The following CEP112 variants were observed in gnomAD, a reference collection of about 807,000 sequenced individuals.
CEP112 encodes centrosomal protein of 112 kDa.
In CEP112, 127 loss-of-function variants were observed where a neutral mutation model predicts 153.0. That is an observed-to-expected ratio of 0.83 (90% CI 0.72 to 0.96). The LOEUF (loss-of-function observed/expected upper bound fraction) is 0.96, where lower values mean the gene tolerates loss of function less well. Among genes scored for constraint, CEP112 ranks in the 40% least tolerant of loss-of-function variants. CEP112 has a pLI of 0.00. For missense variants in CEP112, 1,089 were observed against 1,101.2 expected, an observed-to-expected ratio of 0.99 and a Z score of 0.16; for synonymous variants, 358 against 374.4, an observed-to-expected ratio of 0.96 and a Z score of 0.51.
chr17:66,027,821 GAGATTACTTCA>G (rs2065281458), intron 15 of CEP112, among the ~76,000 whole-genome samples: 1 of 152,054 alleles, frequency 6.6e-6, no homozygotes. Context: ...TTAGGATTAA[GAGATTACTTCA>G]AAAATGACCA....
intron 18 of CEP112, among the ~76,000 whole-genome samples, chr17:65,942,165 A>T (rs2047700068): frequency 7.6e-6 from 1 of 131,324 alleles, no homozygotes; most frequent in Non-Finnish European, 1.6e-5. Context: ...ACCTCCTGTC[A>T]GATCAGTGTT....
chr17:65,952,910 A>G (rs1161630677), intron 18 of CEP112, among the ~76,000 whole-genome samples: 2 of 152,146 alleles, frequency 1.3e-5, no homozygotes, highest in South Asian at 2.1e-4. Context: ...AGTCATTTGT[A>G]TATCTTCTTT....
intron 16 of CEP112, among the ~76,000 whole-genome samples, chr17:66,016,713 A>G (rs1045042995): frequency 6.6e-6 from 1 of 152,202 alleles, no homozygotes; most frequent in African/African-American, 2.4e-5. Flanking sequence ...CCAATGTACC[A>G]TGTACCAGTA....
chr17:65,855,030 A>G (rs1459007470), intron 20 of CEP112, among the ~76,000 whole-genome samples: 1 of 152,148 alleles, frequency 6.6e-6, no homozygotes, highest in Admixed American at 6.5e-5. Flanking sequence ...CCCAAAATCA[A>G]TCCTGGAGAA....
chr17:65,753,289 T>C (rs996257793), intron 21 of CEP112, among the ~76,000 whole-genome samples: 1 of 152,206 alleles, frequency 6.6e-6, no homozygotes, highest in Non-Finnish European at 1.5e-5. Flanking sequence ...AGGCAGCTCC[T>C]AGCCCCTAAC....
intron 21 of CEP112, among the ~76,000 whole-genome samples, chr17:65,828,823 C>A (rs531476941): frequency 1.8e-3 from 274 of 151,248 alleles, no homozygotes; most frequent in Non-Finnish European, 2.6e-3. Context: ...GATTCTCCTG[C>A]TTAATATTTA....
chr17:66,056,130 CAAG>C (rs2066676029), intron 11 of CEP112, among the ~76,000 whole-genome samples: 1 of 152,156 alleles, frequency 6.6e-6, no homozygotes, highest in African/African-American at 2.4e-5. Context: ...TAGGAATTCT[CAAG>C]AAGAATTTTT....
intron 23 of CEP112, among the ~76,000 whole-genome samples, chr17:65,719,029 C>T (rs1270077731): frequency 6.6e-6 from 1 of 152,232 alleles, no homozygotes; most frequent in African/African-American, 2.4e-5. Context: ...AGTTAAATTT[C>T]TTGTTTTCTC....
chr17:66,063,047 T>C lies in CEP112; in HGVS notation c.990A>G (p.Arg330=). Residue 330 remains arginine (R), a synonymous_variant, in exon 11 of 27, where the codon AGA becomes AGG. Coordinates refer to ENST00000535342, the MANE Select transcript of CEP112 (RefSeq NM_001199165.4). The part of the protein sequence containing the change: ...QTLIRDCQVI[R]ETKEDQIAEL... ...CTGCAATCTGGTCTTCTTTAGTCTC[T>C]CTGATAACTTGACAGTCACGTATCA... 1 of 1,593,260 alleles carries C rather than the reference T, an allele frequency of 6.3e-7. No homozygotes were observed. Among genetic ancestry groups the C allele is most frequent in the Non-Finnish European group, 8.5e-7 (1 of 1,171,218 alleles).
In CEP112 at chr17:65,826,533, T is replaced by C. The variant is rs535087980; in HGVS notation, c.2394+25271A>G. 8.8e-5 allele frequency: 118 copies of C among 1,346,522 alleles called. 1 individual carries two copies. In the South Asian group the frequency reaches 1.9e-3, roughly 22 times the overall value. 83.4% of individuals were successfully genotyped at this position (1,346,522 alleles called of 1,614,324 possible). On this transcript the variant is annotated intron_variant, in intron 21 of 26. Coordinates refer to ENST00000535342, the MANE Select transcript of CEP112 (RefSeq NM_001199165.4). ...CCACACTGCCTGGCTCAGTTCCTGA[T>C]GTCAGCTAATGTGATGCCAGGGCTA...
chr17:65,922,572 C>A (rs2060774105), intron 19 of CEP112, among the ~76,000 whole-genome samples: 1 of 151,892 alleles, frequency 6.6e-6, no homozygotes. Flanking sequence ...AAATTTGTGA[C>A]CCATGTGATT....
intron 21 of CEP112, among the ~76,000 whole-genome samples, chr17:65,816,979 TATAATTCTTTCTTCCAGCAA>T (rs1294739325): frequency 6.6e-6 from 1 of 152,000 alleles, no homozygotes; most frequent in Non-Finnish European, 1.5e-5. Context: ...GGCAGTTGCT[TATAATTCTTTCTTCCAGCAA>T]ATGCTAGCAG....
intron 23 of CEP112, among the ~76,000 whole-genome samples, chr17:65,735,987 A>G (rs1346113893): frequency 6.6e-6 from 1 of 152,150 alleles, no homozygotes; most frequent in East Asian, 1.9e-4. Flanking sequence ...TTAAGAAAAA[A>G]CAACATGCCC....
chr17:65,724,339 T>C (rs2050056817), intron 23 of CEP112, among the ~76,000 whole-genome samples: 1 of 152,194 alleles, frequency 6.6e-6, no homozygotes, highest in Non-Finnish European at 1.5e-5. Context: ...AATTTATTGA[T>C]TTTGGTTCAG....
At chr17:66,045,285 G>A (rs1411574976) in intron 12 of CEP112, among the ~76,000 whole-genome samples, 5 of 152,050 alleles carry the variant, frequency 3.3e-5, no homozygotes, top group African/African-American at 1.2e-4. Context: ...GCTCAGGCTG[G>A]TCTCAAACTC....
At chr17:66,008,988 C>T (rs992811758) in intron 16 of CEP112, among the ~76,000 whole-genome samples, 1 of 152,264 alleles carries the variant, frequency 6.6e-6, no homozygotes, top group Non-Finnish European at 1.5e-5. Flanking sequence ...CTGCAATGAA[C>T]ATAGGAGTGT....
At chr17:65,920,971 C>A (rs1453959391) in intron 19 of CEP112, among the ~76,000 whole-genome samples, 5 of 151,940 alleles carry the variant, frequency 3.3e-5, no homozygotes, top group Non-Finnish European at 7.4e-5. Flanking sequence ...TTTTTTTAAT[C>A]CTACATATTA....
intron 21 of CEP112, among the ~76,000 whole-genome samples, chr17:65,838,542 C>T (rs2146197577): frequency 6.6e-6 from 1 of 152,066 alleles, no homozygotes; most frequent in African/African-American, 2.4e-5. Context: ...ATGCCTACAT[C>T]AGAAAAGCAG....
intron 21 of CEP112, chr17:65,826,212 C>A (rs769800714): frequency 4.3e-6 from 7 of 1,614,178 alleles, no homozygotes; most frequent in Non-Finnish European, 5.9e-6. Flanking sequence ...GTCTTGGGGA[C>A]ATTACCATTC....
Sources: gnomAD v4.1 joint callset for allele counts (sites outside exome capture counted in the v4.1 genomes callset) on GRCh38, gnomAD v4.1.1 for gene constraint, MANE v1.5 for transcripts, NCBI Gene and HGNC (gene_info 2026-07-23, HGNC 2026-07-21) for gene names.